Variants in TMED10 observed in about 807,000 individuals in gnomAD.
TMED10 encodes the protein transmembrane emp24 domain-containing protein 10.
Under a neutral mutation model 23.1 loss-of-function variants are expected in TMED10, and 7 were observed. The ratio of observed to expected loss-of-function variants is 0.30; its 90% CI spans 0.17 to 0.57. TMED10 has a LOEUF of 0.57. TMED10 is among the 20% of genes least tolerant of loss of function. The pLI is 0.91. For synonymous variants in TMED10, 113 were observed against 106.9 expected, an observed-to-expected ratio of 1.06 and a Z score of -0.35; for missense variants, 162 against 274.8, an observed-to-expected ratio of 0.59 and a Z score of 2.90.
chr14:75,133,752 G>A lies in TMED10; in HGVS notation c.*1133C>T, dbSNP rs1301563721. The A allele has an allele frequency of 1.1e-5, 2 of 187,754 alleles. No individual in the cohort carries two copies. Among genetic ancestry groups the A allele is most frequent in the South Asian group, 7.9e-5 (1 of 12,658 alleles). The allele number at this position is 187,754 out of a possible 1,614,324, so 11.6% of individuals were successfully genotyped here. A position where few individuals can be genotyped will look rare whatever the true frequency, so the allele number is the denominator to read the frequency against. On this transcript the variant is annotated 3_prime_UTR_variant, in exon 5 of 5. Transcript: ENST00000303575. ...GCAAAAAACTGAAAACAACTCTTATGTCCTTTAGTGGGTGAATGGTTAAGC... is the reference window on the plus strand; with the variant it reads ...GCAAAAAACTGAAAACAACTCTTATATCCTTTAGTGGGTGAATGGTTAAGC...
intron 1 of TMED10, among the ~76,000 whole-genome samples, chr14:75,166,179 T>C (rs1896160058): frequency 1.3e-5 from 2 of 152,208 alleles, no homozygotes; most frequent in Non-Finnish European, 2.9e-5. Context: ...CAAAGTCTTG[T>C]TCTTTCTTAA....
chr14:75,171,929 CTT>C (rs918924697), intron 1 of TMED10, among the ~76,000 whole-genome samples: 34 of 142,896 alleles, frequency 2.4e-4, no homozygotes, highest in Admixed American at 2.8e-4. Context: ...CTGGTTACAT[CTT>C]TTTTTTTTTT....
chr14:75,137,104 G>C (rs900894262), intron 3 of TMED10, among the ~76,000 whole-genome samples: 1 of 150,328 alleles, frequency 6.7e-6, no homozygotes, highest in African/African-American at 2.5e-5. Context: ...TCTGCCTCCT[G>C]GGTTCAAGTG....
chr14:75,174,587 T>C (rs1896276012), intron 1 of TMED10, among the ~76,000 whole-genome samples: 1 of 152,110 alleles, frequency 6.6e-6, no homozygotes, highest in African/African-American at 2.4e-5. Context: ...GAGAGTTTGA[T>C]ACCCAAACAG....
intron 3 of TMED10, among the ~76,000 whole-genome samples, chr14:75,137,350 TA>T (rs1292989804): frequency 6.7e-6 from 1 of 150,292 alleles, no homozygotes; most frequent in African/African-American, 2.4e-5. Context: ...CAGTTGCTCT[TA>T]AAGTTTCCAC....
chr14:75,147,717 G>C lies in TMED10; in HGVS notation c.358C>G (p.Gln120Glu). Reference protein sequence around the residue: ...ESKGTGRIPDQLVILDMKHGV... With the variant: ...ESKGTGRIPDELVILDMKHGV... ...TGCTTCATGTCTAGGATCACGAGTT[G>C]GTCAGGTATCCGCCCTGTTCCTGAG... The change falls in exon 3 of 5, where the codon CAA becomes GAA. Residue 120 changes from glutamine (Q) to glutamate (E), a missense_variant. Gln to Glu is a conservative substitution (Grantham distance 29). Coordinates refer to ENST00000303575, the MANE Select transcript of TMED10 (RefSeq NM_006827.6). The C allele has an allele frequency of 6.2e-7, 1 of 1,614,034 alleles. No individual in the cohort carries two copies. Among genetic ancestry groups the C allele is most frequent in the Non-Finnish European group, 8.5e-7 (1 of 1,179,998 alleles).
chr14:75,163,609 T>C (rs1277226616), intron 1 of TMED10, among the ~76,000 whole-genome samples: 1 of 149,648 alleles, frequency 6.7e-6, no homozygotes, highest in Non-Finnish European at 1.5e-5. Flanking sequence ...GCCTTTTCTC[T>C]CTCTGAGAGA....
At chr14:75,170,965 G>C (rs1896226142) in intron 1 of TMED10, among the ~76,000 whole-genome samples, 1 of 152,056 alleles carries the variant, frequency 6.6e-6, no homozygotes, top group Non-Finnish European at 1.5e-5. Context: ...TTACCACCCG[G>C]GTAGAGAAAA....
At chr14:75,155,325 T>C (rs945626571) in intron 1 of TMED10, among the ~76,000 whole-genome samples, 8 of 152,186 alleles carry the variant, frequency 5.3e-5, no homozygotes, top group Non-Finnish European at 1.2e-4. Context: ...ATGAGTAAGA[T>C]AGTTCCTGTC....
intron 1 of TMED10, among the ~76,000 whole-genome samples, chr14:75,168,904 A>G (rs1027129690): frequency 6.6e-6 from 1 of 152,214 alleles, no homozygotes; most frequent in Non-Finnish European, 1.5e-5. Flanking sequence ...TTTTCATACA[A>G]CTTTTGGTGA....
chr14:75,149,154 C>T (rs1005441978), intron 2 of TMED10, among the ~76,000 whole-genome samples: 3 of 152,200 alleles, frequency 2.0e-5, no homozygotes, highest in East Asian at 1.9e-4. Flanking sequence ...TGGGCTCAAG[C>T]GATCCTCCTG....
chr14:75,142,648 T>C (rs1328045492), intron 3 of TMED10, among the ~76,000 whole-genome samples: 1 of 152,182 alleles, frequency 6.6e-6, no homozygotes, highest in Non-Finnish European at 1.5e-5. Context: ...TCCACACTAG[T>C]TTGGCTCCTG....
intron 2 of TMED10, among the ~76,000 whole-genome samples, chr14:75,151,076 T>G (rs1349873455): frequency 1.3e-5 from 2 of 151,496 alleles, no homozygotes; most frequent in Non-Finnish European, 2.9e-5. Context: ...TGGCTAATTT[T>G]TGTATTTTTA....
At chr14:75,138,293 G>A (rs372791432) in intron 3 of TMED10, among the ~76,000 whole-genome samples, 1 of 152,204 alleles carries the variant, frequency 6.6e-6, no homozygotes, top group Admixed American at 6.5e-5. Context: ...TAAAAATATG[G>A]TGATAGACTT....
At chr14:75,153,612 A>T (rs1169357904) in intron 1 of TMED10, among the ~76,000 whole-genome samples, 1 of 152,214 alleles carries the variant, frequency 6.6e-6, no homozygotes, top group African/African-American at 2.4e-5. Flanking sequence ...GTAGTGGCTT[A>T]ATTACATTAA....
At chr14:75,158,051 G>A (rs1462938032) in intron 1 of TMED10, among the ~76,000 whole-genome samples, 1 of 152,168 alleles carries the variant, frequency 6.6e-6, no homozygotes, top group Non-Finnish European at 1.5e-5. Context: ...AGGAATGTCT[G>A]AAAAAAGAGG....
intron 1 of TMED10, among the ~76,000 whole-genome samples, chr14:75,158,901 G>T (rs1396594698): frequency 2.6e-5 from 4 of 152,044 alleles, no homozygotes; most frequent in Non-Finnish European, 4.4e-5. Flanking sequence ...TCTAGCCTGG[G>T]CAACAAGAGT....
Position 75,133,692 on chromosome 14 carries a change from A to G in TMED10, c.*1193T>C, listed in dbSNP as rs2139827541. ...AATGAAAATGTATGTTCACATAAAAACCTGTACATGAATGTTCACAGCAGC... is the reference window on the plus strand; with the variant it reads ...AATGAAAATGTATGTTCACATAAAAGCCTGTACATGAATGTTCACAGCAGC... On this transcript the variant is annotated 3_prime_UTR_variant, in exon 5 of 5. Transcript: ENST00000303575. 6.3e-6 allele frequency: 1 copy of G among 158,822 alleles called. No homozygotes were observed. The highest frequency in any genetic ancestry group is 2.4e-5 in the African/African-American group (1 of 41,648). The allele number at this position is 158,822 out of a possible 1,614,324, so 9.8% of individuals were successfully genotyped here.
At chr14:75,152,805 G>A (rs903706894) in intron 1 of TMED10, among the ~76,000 whole-genome samples, 1 of 152,184 alleles carries the variant, frequency 6.6e-6, no homozygotes, top group African/African-American at 2.4e-5. Flanking sequence ...CGCCAAGGCA[G>A]GAGGATCACT....
Sources: allele counts gnomAD v4.1 joint callset (sites outside exome capture counted in the v4.1 genomes callset), GRCh38; gene constraint gnomAD v4.1.1; transcripts MANE v1.5; gene names NCBI Gene and HGNC (gene_info 2026-07-23, HGNC 2026-07-21).